Variants in ABTB2 observed in about 807,000 individuals in gnomAD.
ABTB2 encodes ankyrin repeat and BTB/POZ domain-containing protein 2.
ABTB2 carries 56 observed loss-of-function variants against 104.1 expected under a neutral mutation model. The observed-to-expected ratio is 0.54, with a 90% CI of 0.43 to 0.67. The LOEUF (loss-of-function observed/expected upper bound fraction) is 0.67, where lower values mean the gene tolerates loss of function less well. ABTB2 is among the 30% of genes least tolerant of loss of function. The probability of loss-of-function intolerance (pLI) is 0.00; values close to 1 mark genes in which losing one functional copy is unlikely to be tolerated. For missense variants in ABTB2, 1,279 were observed against 1,407.7 expected (o/e 0.91, Z 1.46); for synonymous variants, 606 against 608.2 (o/e 1.00, Z 0.05).
At chr11:34,325,803 TA>T (rs1855062321) in intron 1 of ABTB2, among the ~76,000 whole-genome samples, 1 of 151,758 alleles carries the variant, frequency 6.6e-6, no homozygotes, top group Non-Finnish European at 1.5e-5. Flanking sequence ...ATACAAAAAT[TA>T]GCCAGGTGTG....
chr11:34,339,487 C>G (rs566630537), intron 1 of ABTB2, among the ~76,000 whole-genome samples: 188 of 152,258 alleles, frequency 1.2e-3, no homozygotes, highest in Non-Finnish European at 1.7e-3. Context: ...AGTGATCTGT[C>G]AGTGCCAGAG....
chr11:34,252,939 G>A lies in ABTB2; in HGVS notation c.884-48249C>T, dbSNP rs1854072734. On this transcript the variant is annotated intron_variant, in intron 1 of 16. Coordinates refer to ENST00000435224, the MANE Select transcript of ABTB2 (RefSeq NM_145804.3). The surrounding 1 kb of genome is among the most constrained non-coding windows in gnomAD (Gnocchi z 5.5). ...CACCCCTCCACCCCCAGGAGGAAGAGCTGCTTTGGCAGCTGCCCTTGGTGG... is the reference window on the plus strand; with the variant it reads ...CACCCCTCCACCCCCAGGAGGAAGAACTGCTTTGGCAGCTGCCCTTGGTGG... 6.6e-6 allele frequency among the ~76,000 whole-genome samples: 1 copy of A among 152,110 alleles called. No homozygotes were observed. The highest frequency in any genetic ancestry group is 1.5e-5 in the Non-Finnish European group (1 of 68,020).
chr11:34,278,669 C>A (rs1854413832), intron 1 of ABTB2, among the ~76,000 whole-genome samples: 1 of 152,128 alleles, frequency 6.6e-6, no homozygotes, highest in African/African-American at 2.4e-5. Flanking sequence ...GCCTAACTTC[C>A]CACAGTCCCC....
In ABTB2 at chr11:34,254,029, TACCC is replaced by T. The variant is rs1854089292; in HGVS notation, c.884-49343_884-49340del. Among the ~76,000 whole-genome samples the T allele has an allele frequency of 4.6e-5, 7 of 152,272 alleles. No individual in the cohort carries two copies. The South Asian group carries it at 1.5e-3, about 32-fold the overall frequency. ...TGGTACAGCAGTGGCAGTGTAACAG[TACCC>T]ACAGCTTAATAAGTCATGACTTAAA... On this transcript the variant is annotated intron_variant, in intron 1 of 16. Coordinates refer to ENST00000435224, the MANE Select transcript of ABTB2 (RefSeq NM_145804.3).
intron 1 of ABTB2, among the ~76,000 whole-genome samples, chr11:34,224,316 T>A (rs1335901910): frequency 6.6e-6 from 1 of 152,146 alleles, no homozygotes. Flanking sequence ...AGCCTAATTT[T>A]AATTTTTCAT....
intron 3 of ABTB2, among the ~76,000 whole-genome samples, chr11:34,177,620 T>C (rs577447317): frequency 6.6e-6 from 1 of 152,206 alleles, no homozygotes; most frequent in East Asian, 1.9e-4. Context: ...AGAGTAGTGG[T>C]AGTGATGGTG....
intron 1 of ABTB2, among the ~76,000 whole-genome samples, chr11:34,262,052 C>T (rs970719882): frequency 7.9e-5 from 12 of 152,254 alleles, no homozygotes; most frequent in African/African-American, 2.9e-4. Flanking sequence ...AAAACAACAC[C>T]GACTCACATC....
chr11:34,167,248 C>A lies in ABTB2; in HGVS notation c.1755+11G>T. On this transcript the variant is annotated intron_variant, in intron 7 of 16. Coordinates refer to ENST00000435224, the MANE Select transcript of ABTB2 (RefSeq NM_145804.3). Reference sequence around the variant, plus strand: ...GCTGGGGGGCATGGTGTTCACCTGGCAGGAGCTCACCTGGACCACAGAGAT... The same window carrying A: ...GCTGGGGGGCATGGTGTTCACCTGGAAGGAGCTCACCTGGACCACAGAGAT... 6.2e-7 allele frequency: 1 copy of A among 1,601,276 alleles called. No homozygotes were observed. The highest frequency in any genetic ancestry group is 8.5e-7 in the Non-Finnish European group (1 of 1,173,500).
chr11:34,229,471 A>G (rs1487593513), intron 1 of ABTB2, among the ~76,000 whole-genome samples: 2 of 146,912 alleles, frequency 1.4e-5, no homozygotes, highest in Admixed American at 1.4e-4. Context: ...ACAGAGTGAG[A>G]CTCCATCTCA....
intron 3 of ABTB2, among the ~76,000 whole-genome samples, chr11:34,195,075 C>CGGGGGGGGGGGGGGGGGG (rs1461939590): frequency 1.7e-4 from 3 of 18,066 alleles, no homozygotes; most frequent in Non-Finnish European, 4.0e-4. Flanking sequence ...AGATGCCCGG[C>CGGGGGGGGGGGGGGGGGG]GGGGGGGGGG....
At chr11:34,332,903 G>A (rs1225325301) in intron 1 of ABTB2, among the ~76,000 whole-genome samples, 1 of 152,168 alleles carries the variant, frequency 6.6e-6, no homozygotes, top group East Asian at 1.9e-4. Context: ...AGGAAATGGA[G>A]GGCACAGGAA....
intron 1 of ABTB2, among the ~76,000 whole-genome samples, chr11:34,323,181 A>C (rs1855027136): frequency 6.6e-6 from 1 of 152,202 alleles, no homozygotes; most frequent in South Asian, 2.1e-4. Context: ...TGCTGGAATT[A>C]CAGGCGTGAG....
chr11:34,191,217 C>T (rs2133032068), intron 3 of ABTB2, among the ~76,000 whole-genome samples: 1 of 152,228 alleles, frequency 6.6e-6, no homozygotes, highest in South Asian at 2.1e-4. Context: ...TGCAGTGAAC[C>T]ATGATTGCAC....
intron 1 of ABTB2, among the ~76,000 whole-genome samples, chr11:34,231,772 C>T (rs529211881): frequency 1.3e-5 from 2 of 151,974 alleles, no homozygotes; most frequent in African/African-American, 4.8e-5. Context: ...GGGTGAGCCC[C>T]GCACCCGGCC....
chr11:34,246,052 C>T (rs1265337400), intron 1 of ABTB2, among the ~76,000 whole-genome samples: 2 of 152,258 alleles, frequency 1.3e-5, no homozygotes, highest in Non-Finnish European at 2.9e-5. Context: ...ATGCCTGGCA[C>T]AAGCCCCTAT....
chr11:34,231,871 AG>A (rs1402457882), intron 1 of ABTB2, among the ~76,000 whole-genome samples: 2 of 152,222 alleles, frequency 1.3e-5, no homozygotes, highest in African/African-American at 4.8e-5. Flanking sequence ...ACTAGTCATG[AG>A]AAAAACTTTA....
chr11:34,296,819 C>G (rs748765850), intron 1 of ABTB2, among the ~76,000 whole-genome samples: 13 of 152,210 alleles, frequency 8.5e-5, no homozygotes, highest in Non-Finnish European at 1.8e-4. Context: ...TGACTCATAT[C>G]TAGACATTGC....
At chr11:34,162,314 G>A (rs1256503228) in intron 10 of ABTB2, among the ~76,000 whole-genome samples, 1 of 152,216 alleles carries the variant, frequency 6.6e-6, no homozygotes, top group Non-Finnish European at 1.5e-5. Context: ...AGCCAGGCAG[G>A]GTGGAGGGCC....
intron 1 of ABTB2, among the ~76,000 whole-genome samples, chr11:34,263,215 G>A (rs1405455712): frequency 6.6e-6 from 1 of 152,026 alleles, no homozygotes; most frequent in Non-Finnish European, 1.5e-5. Flanking sequence ...GCCATGGAGT[G>A]TTTGGTCTTA....
Sources: allele counts gnomAD v4.1 joint callset (sites outside exome capture counted in the v4.1 genomes callset), GRCh38; gene constraint gnomAD v4.1.1; non-coding constraint Gnocchi (gnomAD v3.1); transcripts MANE v1.5; gene names NCBI Gene and HGNC (gene_info 2026-07-23, HGNC 2026-07-21).